The following MAP6 variants were observed in gnomAD, a reference collection of about 807,000 sequenced individuals.
MAP6 encodes microtubule associated protein 6.
MAP6 carries 26 observed loss-of-function variants against 42.4 expected under a neutral mutation model. The ratio of observed to expected loss-of-function variants is 0.61; its 90% CI spans 0.45 to 0.85. The LOEUF (loss-of-function observed/expected upper bound fraction) is 0.85, where lower values mean the gene tolerates loss of function less well. Among genes scored for constraint, MAP6 ranks in the 40% least tolerant of loss-of-function variants. MAP6 has a pLI of 0.00. For synonymous variants in MAP6, 418 were observed against 443.8 expected (o/e 0.94, Z 0.73); for missense variants, 966 against 1,099.0 (o/e 0.88, Z 1.71).
intron 1 of MAP6, among the ~76,000 whole-genome samples, chr11:75,610,258 C>T (rs1942868659): frequency 6.6e-6 from 1 of 152,222 alleles, no homozygotes; most frequent in African/African-American, 2.4e-5. Context: ...TGGAAAAAGA[C>T]ACCTACCAAC....
At chr11:75,654,981 C>T (rs1186957149) in intron 1 of MAP6, among the ~76,000 whole-genome samples, 1 of 152,158 alleles carries the variant, frequency 6.6e-6, no homozygotes, top group Non-Finnish European at 1.5e-5. Flanking sequence ...GCCACTGTTG[C>T]GCCCCTAGAG....
intron 1 of MAP6, among the ~76,000 whole-genome samples, chr11:75,663,225 C>T (rs565892562): frequency 5.3e-5 from 8 of 151,942 alleles, no homozygotes; most frequent in Admixed American, 2.0e-4. Flanking sequence ...GTGATCTGCC[C>T]GCCTCAGCCT....
intron 3 of MAP6, chr11:75,597,126 G>C (rs1942592191): frequency 6.6e-6 from 1 of 152,226 alleles, no homozygotes; most frequent in South Asian, 2.1e-4. Flanking sequence ...GATTAAATGA[G>C]ACGAAGTGTG....
In MAP6 at chr11:75,667,438, C is replaced by A; in HGVS notation, c.905+27G>T. On this transcript the variant is annotated intron_variant, in intron 1 of 3. Transcript: ENST00000304771. This position sits in a 1 kb window ranked among gnomAD's most constrained non-coding sequence, Gnocchi z 5.6. Reference sequence around the variant, plus strand: ...CGGGGAGGGTCTGCGTGGTGACTCCCCCGCGCTAGCAGCGGCCGCGTCTCA... The same window carrying A: ...CGGGGAGGGTCTGCGTGGTGACTCCACCGCGCTAGCAGCGGCCGCGTCTCA... 1 of 1,448,142 alleles carries A rather than the reference C, an allele frequency of 6.9e-7. No homozygotes were observed. The highest frequency in any genetic ancestry group is 1.4e-5 in the South Asian group (1 of 73,038). The allele number at this position is 1,448,142 out of a possible 1,614,324, so 89.7% of individuals were successfully genotyped here. A position where few individuals can be genotyped will look rare whatever the true frequency, so the allele number is the denominator to read the frequency against.
rs1565285755 is a variant in MAP6, at chr11:75,667,567, A to T, written c.803T>A (p.Val268Asp). Residue 268 changes from valine to aspartate, a missense_variant, in exon 1 of 4, where the codon GTC becomes GAC. By Grantham distance (152) the Val-to-Asp change is radical. Coordinates refer to ENST00000304771, the MANE Select transcript of MAP6 (RefSeq NM_033063.2). This position sits in a 1 kb window ranked among gnomAD's most constrained non-coding sequence, Gnocchi z 5.6. ...GCCAGCCTCGGGGCCGGTGGCCTGG[A>T]CCTGGGCCTGGGCCGCGGGCAGCGG... Reference protein sequence around the residue: ...QTPLPAAQAQVQATGPEAGRG... With the variant: ...QTPLPAAQAQDQATGPEAGRG... 2.0e-6 allele frequency: 3 copies of T among 1,464,470 alleles called. No individual in the cohort carries two copies. In the South Asian group the frequency reaches 4.0e-5, roughly 19 times the overall value. The allele number at this position is 1,464,470 out of a possible 1,614,324, so 90.7% of individuals were successfully genotyped here.
Position 75,608,235 on chromosome 11 carries a change from A to G in MAP6, c.993T>C (p.Val331=). 6.2e-7 allele frequency: 1 copy of G among 1,614,216 alleles called. No individual in the cohort carries two copies. The highest frequency in any genetic ancestry group is 8.5e-7 in the Non-Finnish European group (1 of 1,180,026). The change falls in exon 2 of 4, where the codon GTT becomes GTC. Residue 331 remains valine, a synonymous_variant. Coordinates refer to ENST00000304771, the MANE Select transcript of MAP6 (RefSeq NM_033063.2). The part of the protein sequence containing the change: ...PQYKPPDDKM[V]HETSYSAQFK... Reference sequence around the variant, plus strand: ...ACTGAGCACTGTAGCTGGTCTCATGAACCATCTTATCATCTGGGGGCTTGT... The same window carrying G: ...ACTGAGCACTGTAGCTGGTCTCATGGACCATCTTATCATCTGGGGGCTTGT...
At chr11:75,626,675 C>G (rs371317458) in intron 1 of MAP6, among the ~76,000 whole-genome samples, 2 of 152,150 alleles carry the variant, frequency 1.3e-5, no homozygotes, top group Admixed American at 6.5e-5. Flanking sequence ...GTATCAGGTG[C>G]TTTGCATTCA....
chr11:75,596,318 T>A (rs2511005), intron 3 of MAP6: 1 of 152,116 alleles, frequency 6.6e-6, no homozygotes, highest in Non-Finnish European at 1.5e-5. Context: ...TATCCCTCCT[T>A]GTGGAATATA....
rs148736062 is a variant in MAP6, at chr11:75,608,147, G to C, written c.1081C>G (p.Arg361Gly). The C allele has an allele frequency of 6.4e-5, 103 of 1,613,992 alleles. No individual in the cohort carries two copies. The highest frequency in any genetic ancestry group is 1.2e-4 in the Admixed American group (7 of 60,000). ...DNKVIDRRRI[R>G]SLYSEPFKEP... is the part of the protein sequence containing the mutation. ...TTGAAGGGTTCGCTGTAGAGGCTGC[G>C]TATTCTTCTGCGATCAATGACCTTA... The change falls in exon 2 of 4, where the codon CGC (arginine) becomes GGC (glycine). Residue 361 changes from arginine (R) to glycine (G), a missense_variant. Coordinates refer to ENST00000304771, the MANE Select transcript of MAP6 (RefSeq NM_033063.2).
intron 1 of MAP6, among the ~76,000 whole-genome samples, chr11:75,661,048 T>TGC (rs1943835659): frequency 6.6e-6 from 1 of 152,052 alleles, no homozygotes; most frequent in Non-Finnish European, 1.5e-5. Flanking sequence ...AGAGATTATT[T>TGC]TTAAATCCAC....
chr11:75,650,837 A>G (rs1338792711), intron 1 of MAP6, among the ~76,000 whole-genome samples: 1 of 152,184 alleles, frequency 6.6e-6, no homozygotes, highest in Non-Finnish European at 1.5e-5. Context: ...CCATTGCACC[A>G]TGGCTACCAG....
intron 1 of MAP6, among the ~76,000 whole-genome samples, chr11:75,613,528 T>C (rs1345858706): frequency 6.6e-6 from 1 of 152,182 alleles, no homozygotes; most frequent in Non-Finnish European, 1.5e-5. Flanking sequence ...ACAGCTTCTC[T>C]TGTATTGTGA....
rs540432600 is a variant in MAP6, at chr11:75,650,823, C to T, written c.905+16642G>A. Among the ~76,000 whole-genome samples, 3 of 152,288 alleles carry T rather than the reference C, an allele frequency of 2.0e-5. No individual in the cohort carries two copies. In the South Asian group the frequency reaches 6.2e-4, roughly 32 times the overall value. On this transcript the variant is annotated intron_variant, in intron 1 of 3. Transcript: ENST00000304771. ...GTTTTCTGATCCCAAGCCATTTGAT[C>T]GGTCCATTGCACCATGGCTACCAGA... is the stretch of plus-strand genomic sequence containing the variant.
Position 75,604,597 on chromosome 11 carries a change from GT to G in MAP6, c.1316+1210del, listed in dbSNP as rs113818263. ...TTTGAGTTCCCTCACAAGCACTGGG[GT>G]TTTTTTTTTCACAACAACTCCCTGA... is the stretch of plus-strand genomic sequence containing the variant. On this transcript the variant is annotated intron_variant, in intron 3 of 3. Coordinates refer to ENST00000304771, the MANE Select transcript of MAP6 (RefSeq NM_033063.2). The G allele has an allele frequency of 3.4e-3, 3,078 of 915,106 alleles. 84 individuals carry two copies. The African/African-American group carries it at 0.05, about 15-fold the overall frequency. The allele number at this position is 915,106 out of a possible 1,614,324, so 56.7% of individuals were successfully genotyped here.
intron 1 of MAP6, among the ~76,000 whole-genome samples, chr11:75,636,408 A>G (rs61895132): frequency 0.05 from 7,674 of 152,190 alleles, 245 homozygotes; most frequent in East Asian, 0.14. Flanking sequence ...TTTTCATCTT[A>G]TACAATGCTA....
Position 75,668,874 on chromosome 11 carries a change from G to T in MAP6, c.-505C>A, listed in dbSNP as rs1944011475. On this transcript the variant is annotated 5_prime_UTR_variant, in exon 1 of 4. Transcript: ENST00000304771. The stretch of plus-strand genomic sequence containing the variant: ...GGGCTGGGAGGCCATCACCTCCAGC[G>T]GAGACCGAGCATTGCTGCCTCCGCC... The T allele has an allele frequency of 1.8e-5, 3 of 165,806 alleles. No homozygotes were observed. In the South Asian group the frequency reaches 3.6e-4, roughly 20 times the overall value. 10.3% of individuals were successfully genotyped at this position (165,806 alleles called of 1,614,324 possible). A position where few individuals can be genotyped will look rare whatever the true frequency, so the allele number is the denominator to read the frequency against.
chr11:75,625,443 A>G lies in MAP6; in HGVS notation c.906-17121T>C, dbSNP rs76866975. 4.9e-3 allele frequency among the ~76,000 whole-genome samples: 745 copies of G among 152,278 alleles called. 2 individuals are homozygous for G. Among genetic ancestry groups the G allele is most frequent in the Non-Finnish European group, 7.3e-3 (494 of 68,030 alleles). ...CTGAGACTGAGGGGGAGAGAAGAGA[A>G]GAGGATGTTGGGGCCTACAGTGTGC... On this transcript the variant is annotated intron_variant, in intron 1 of 3. Transcript: ENST00000304771.
At chr11:75,635,359 C>T (rs1216908444) in intron 1 of MAP6, among the ~76,000 whole-genome samples, 4 of 152,202 alleles carry the variant, frequency 2.6e-5, no homozygotes, top group Non-Finnish European at 5.9e-5. Context: ...TTAAACACAT[C>T]AACACCAAGA....
rs147581111 is a variant in MAP6, at chr11:75,650,563, G to C, written c.905+16902C>G. Among the ~76,000 whole-genome samples the C allele has an allele frequency of 3.2e-4, 48 of 152,252 alleles. 1 individual carries two copies. Among genetic ancestry groups the C allele is most frequent in the African/African-American group, 1.1e-3 (46 of 41,548 alleles). ...TTCAGAGTCTGTTCCCTGAGTGACT[G>C]CTCTCTTGGTGTCTAGACTGGTGTG... On this transcript the variant is annotated intron_variant, in intron 1 of 3. Transcript: ENST00000304771.
Sources: gnomAD v4.1 joint callset for allele counts (sites outside exome capture counted in the v4.1 genomes callset) on GRCh38, gnomAD v4.1.1 for gene constraint, Gnocchi (gnomAD v3.1) non-coding constraint, MANE v1.5 for transcripts, NCBI Gene and HGNC (gene_info 2026-07-23, HGNC 2026-07-21) for gene names.